Variants in BTBD9 observed in about 807,000 individuals in gnomAD.
BTBD9 encodes BTB domain containing 9, also known as BTB/POZ domain-containing protein 9.
In BTBD9, 49 loss-of-function variants were observed where a neutral mutation model predicts 64.3. That is an observed-to-expected ratio of 0.76 (90% CI 0.61 to 0.97). The LOEUF (loss-of-function observed/expected upper bound fraction) is 0.97. BTBD9 is among the 50% of genes least tolerant of loss of function. The pLI, the probability that BTBD9 is intolerant of heterozygous loss-of-function variation, is 0.00. For missense variants in BTBD9, 598 were observed against 762.1 expected, an observed-to-expected ratio of 0.78 and a Z score of 2.53; for synonymous variants, 260 against 274.7, an observed-to-expected ratio of 0.95 and a Z score of 0.53.
intron 8 of BTBD9, among the ~76,000 whole-genome samples, chr6:38,271,798 CTCTT>C (rs1231629213): frequency 6.6e-6 from 1 of 152,178 alleles, no homozygotes; most frequent in East Asian, 1.9e-4. Context: ...TGTCTAAAGT[CTCTT>C]TCTTCTGTTG....
At chr6:38,532,837 G>A (rs185948251) in intron 6 of BTBD9, among the ~76,000 whole-genome samples, 87 of 151,882 alleles carry the variant, frequency 5.7e-4, no homozygotes, top group Non-Finnish European at 1.1e-3. Context: ...CCCAGCTGTG[G>A]TGGCTACAGG....
At position 38,384,330 on chromosome 6, in the gene BTBD9, C is replaced by T. The variant is rs918358276; in HGVS notation, c.1155-39237G>A. Among the ~76,000 whole-genome samples the T allele has an allele frequency of 3.9e-5, 6 of 152,112 alleles. No individual in the cohort carries two copies. In the East Asian group the frequency reaches 1.2e-3, roughly 29 times the overall value. ...GATTCTCTAGGCCTAATTTGTGTAT[C>T]TTTAGACTCACTGAGTAGGTTTTAC... On this transcript the variant is annotated intron_variant, in intron 6 of 10. Transcript: ENST00000481247.
At chr6:38,548,873 G>T (rs1774674072) in intron 6 of BTBD9, among the ~76,000 whole-genome samples, 1 of 152,164 alleles carries the variant, frequency 6.6e-6, no homozygotes. Flanking sequence ...TAAGGAAATG[G>T]ATACAGCCAG....
chr6:38,435,490 AG>A (rs1768673387), intron 6 of BTBD9, among the ~76,000 whole-genome samples: 1 of 151,846 alleles, frequency 6.6e-6, no homozygotes, highest in South Asian at 2.1e-4. Flanking sequence ...TCTTAAAAAA[AG>A]TCTAGAACAC....
intron 7 of BTBD9, 128 bp from the exon 8 acceptor site, chr6:38,288,589 G>T: frequency 1.3e-6 from 1 of 754,346 alleles, no homozygotes. Flanking sequence ...AGAACATCTG[G>T]ATTATCTTCA....
At chr6:38,587,410 G>GAT in intron 4 of BTBD9, 3 of 514,586 alleles carry the variant, frequency 5.8e-6, no homozygotes, top group Non-Finnish European at 3.8e-6. Context: ...TCATAATGAA[G>GAT]ATATTAATAT....
intron 7 of BTBD9, among the ~76,000 whole-genome samples, chr6:38,314,206 T>A (rs1220476065): frequency 6.6e-6 from 1 of 152,030 alleles, no homozygotes; most frequent in Admixed American, 6.6e-5. Context: ...TTTTATTTAT[T>A]TATTTTTGAG....
intron 7 of BTBD9, among the ~76,000 whole-genome samples, chr6:38,309,855 A>G (rs1215158594): frequency 6.6e-6 from 1 of 152,010 alleles, no homozygotes; most frequent in Non-Finnish European, 1.5e-5. Context: ...GATTTTTTCT[A>G]AAAGTAGTAC....
At chr6:38,468,189 T>C (rs944847052) in intron 6 of BTBD9, among the ~76,000 whole-genome samples, 4 of 152,166 alleles carry the variant, frequency 2.6e-5, no homozygotes, top group African/African-American at 9.7e-5. Context: ...CCCCAGCACA[T>C]CCTTCTAAAG....
chr6:38,300,515 A>T (rs1196542171), intron 7 of BTBD9, among the ~76,000 whole-genome samples: 1 of 151,946 alleles, frequency 6.6e-6, no homozygotes, highest in African/African-American at 2.4e-5. Flanking sequence ...TCCATTTGTT[A>T]GTATCCTCTT....
At chr6:38,246,247 AT>A (rs997771135) in intron 9 of BTBD9, among the ~76,000 whole-genome samples, 3 of 152,224 alleles carry the variant, frequency 2.0e-5, no homozygotes, top group African/African-American at 7.2e-5. Flanking sequence ...TCCCCTTTAA[AT>A]GTGCAGGTAT....
intron 6 of BTBD9, among the ~76,000 whole-genome samples, chr6:38,502,969 G>A (rs892592208): frequency 1.3e-5 from 2 of 152,150 alleles, no homozygotes; most frequent in African/African-American, 4.8e-5. Context: ...ATAAAAGTAG[G>A]TGCTCCACAC....
At chr6:38,176,510 C>A (rs75988488) in intron 10 of BTBD9, among the ~76,000 whole-genome samples, 13,300 of 152,292 alleles carry the variant, frequency 0.087, 795 homozygotes, top group Non-Finnish European at 0.12. Context: ...TCGCCTCCTG[C>A]AGACCCCTCA....
At chr6:38,568,083 T>C (rs1035422729) in intron 6 of BTBD9, among the ~76,000 whole-genome samples, 1 of 152,210 alleles carries the variant, frequency 6.6e-6, no homozygotes, top group Non-Finnish European at 1.5e-5. Context: ...ATATAATTAA[T>C]GGCTAATTGG....
At chr6:38,466,595 T>C (rs1014521426) in intron 6 of BTBD9, among the ~76,000 whole-genome samples, 16 of 151,972 alleles carry the variant, frequency 1.1e-4, no homozygotes, top group Non-Finnish European at 1.6e-4. Context: ...CACCCGGCCC[T>C]TTTTCCTTCT....
At chr6:38,305,301 T>C (rs1187252563) in intron 7 of BTBD9, among the ~76,000 whole-genome samples, 3 of 152,166 alleles carry the variant, frequency 2.0e-5, no homozygotes, top group Non-Finnish European at 4.4e-5. Context: ...ATCTAAGCAC[T>C]ACCCACACCT....
chr6:38,536,697 G>A (rs931695601), intron 6 of BTBD9, among the ~76,000 whole-genome samples: 8 of 152,146 alleles, frequency 5.3e-5, no homozygotes, highest in African/African-American at 1.9e-4. Context: ...ATTATGTTAA[G>A]TGAAATAAGC....
intron 1 of BTBD9, among the ~76,000 whole-genome samples, chr6:38,638,028 T>C (rs987300855): frequency 5.3e-5 from 8 of 152,194 alleles, no homozygotes; most frequent in Non-Finnish European, 1.0e-4. Context: ...TTACCAGACA[T>C]AAAAGTCGTC....
chr6:38,369,999 C>T (rs1765354005), intron 6 of BTBD9, among the ~76,000 whole-genome samples: 1 of 152,186 alleles, frequency 6.6e-6, no homozygotes, highest in African/African-American at 2.4e-5. Context: ...AACATCAGCT[C>T]GTGAGCGCTT....
Sources: allele counts gnomAD v4.1 joint callset (sites outside exome capture counted in the v4.1 genomes callset), GRCh38; gene constraint gnomAD v4.1.1; transcripts MANE v1.5; gene names NCBI Gene and HGNC (gene_info 2026-07-23, HGNC 2026-07-21).